The following CLCN1 variants were observed in gnomAD, a reference collection of about 807,000 sequenced individuals.
CLCN1 encodes chloride channel protein 1.
Under a neutral mutation model 114.5 loss-of-function variants are expected in CLCN1, and 100 were observed. That is an observed-to-expected ratio of 0.87 (90% CI 0.74 to 1.03). The LOEUF is 1.03. Ranked by LOEUF, CLCN1 falls within the 50% of genes least tolerant of loss-of-function variation. The pLI is 0.00. For missense variants in CLCN1, 1,188 were observed against 1,250.0 expected (o/e 0.95, Z 0.75); for synonymous variants, 485 against 487.1 (o/e 1.00, Z 0.06).
intron 10 of CLCN1, 100 bp from the exon 11 acceptor site, chr7:143,332,319 G>C (rs1172842977): frequency 2.2e-6 from 2 of 893,024 alleles, no homozygotes; most frequent in African/African-American, 3.3e-5. Context: ...AAAGAAATGA[G>C]ACTACGGTGG....
Position 143,316,202 on chromosome 7 carries a change from G to C in CLCN1, c.-11G>C, listed in dbSNP as rs200147892. ...AGGCCAAGGCCTGGCCGGGGCTCGG[G>C]GGGAGGGAATATGGAGCAATCCCGG... is the stretch of plus-strand genomic sequence containing the variant. On this transcript the variant is annotated 5_prime_UTR_variant, in exon 1 of 23. Transcript: ENST00000343257. The C allele has an allele frequency of 2.7e-5, 43 of 1,609,902 alleles. No homozygotes were observed. Among genetic ancestry groups the C allele is most frequent in the East Asian group, 1.1e-4 (5 of 44,854 alleles).
Position 143,350,752 on chromosome 7 carries a change from C to A in CLCN1, c.2595+98C>A. On this transcript the variant is annotated intron_variant, in intron 22 of 22. Coordinates refer to ENST00000343257, the MANE Select transcript of CLCN1 (RefSeq NM_000083.3). The surrounding 1 kb of genome is among the most constrained non-coding windows in gnomAD (Gnocchi z 5.1). ...GAAGGAATATTAGCATCTCAGAAGTCCCCTCAGATTCCCTTCTCTATTTCT... is the reference window on the plus strand; with the variant it reads ...GAAGGAATATTAGCATCTCAGAAGTACCCTCAGATTCCCTTCTCTATTTCT... The A allele has an allele frequency of 2.4e-6, 2 of 840,352 alleles. No homozygotes were observed. Among genetic ancestry groups the A allele is most frequent in the Non-Finnish European group, 4.0e-6 (2 of 502,478 alleles). The allele number at this position is 840,352 out of a possible 1,614,324, so 52.1% of individuals were successfully genotyped here. A position where few individuals can be genotyped will look rare whatever the true frequency, so the allele number is the denominator to read the frequency against.
intron 7 of CLCN1, among the ~76,000 whole-genome samples, chr7:143,326,870 T>C (rs138357674): frequency 9.3e-4 from 141 of 152,356 alleles, no homozygotes; most frequent in Middle Eastern, 3.4e-3. Context: ...ATGTGTTTCA[T>C]GGTTTACTAG....
intron 7 of CLCN1, among the ~76,000 whole-genome samples, chr7:143,329,126 C>T (rs1802655902): frequency 6.6e-6 from 1 of 152,064 alleles, no homozygotes; most frequent in South Asian, 2.1e-4. Context: ...TGCCACAGCG[C>T]CTGACTAATT....
chr7:143,339,235 C>A lies in CLCN1; in HGVS notation c.1402-18C>A, dbSNP rs371600067. On this transcript the variant is annotated intron_variant, in intron 12 of 22. Coordinates refer to ENST00000343257, the MANE Select transcript of CLCN1 (RefSeq NM_000083.3). This position sits in a 1 kb window ranked among gnomAD's most constrained non-coding sequence, Gnocchi z 4.1. ...GGGCAGAGTTGAAAGGGTATTCCAA[C>A]GCTTCTTTCTACTCCAGTTCTGGAT... 1 of 1,557,558 alleles carries A rather than the reference C, an allele frequency of 6.4e-7. No individual in the cohort carries two copies. The highest frequency in any genetic ancestry group is 8.9e-7 in the Non-Finnish European group (1 of 1,128,774).
At chr7:143,337,092 G>T (rs75256981) in intron 12 of CLCN1, among the ~76,000 whole-genome samples, 29 of 152,304 alleles carry the variant, frequency 1.9e-4, no homozygotes, top group African/African-American at 7.0e-4. Flanking sequence ...AGTGGGGTCT[G>T]GTCATCTGCA....
chr7:143,337,738 A>G (rs1802945224), intron 12 of CLCN1, among the ~76,000 whole-genome samples: 1 of 147,014 alleles, frequency 6.8e-6, no homozygotes, highest in African/African-American at 2.5e-5. Context: ...GACATCTCAT[A>G]CTTCTATTTC....
intron 1 of CLCN1, among the ~76,000 whole-genome samples, chr7:143,317,012 G>C (rs1050798012): frequency 6.6e-6 from 1 of 152,194 alleles, no homozygotes; most frequent in Non-Finnish European, 1.5e-5. Flanking sequence ...CCCAGCAACA[G>C]AAGCATGCAG....
chr7:143,341,786 C>T (rs1426732429), intron 14 of CLCN1, 143 bp from the exon 15 acceptor site: 1 of 712,412 alleles, frequency 1.4e-6, no homozygotes, highest in African/African-American at 1.8e-5. Context: ...TATTCTATTC[C>T]CTACTCTTGA....
chr7:143,346,553 T>G, intron 18 of CLCN1, 26 bp from the exon 19 acceptor site: 1 of 1,580,840 alleles, frequency 6.3e-7, no homozygotes, highest in Non-Finnish European at 8.7e-7. Context: ...TTGTGTCCAT[T>G]TCCATCCACT....
chr7:143,345,389 T>C lies in CLCN1; in HGVS notation c.1931-132T>C. The C allele has an allele frequency of 5.8e-6, 7 of 1,197,264 alleles. 1 individual carries two copies. The allele number at this position is 1,197,264 out of a possible 1,614,324, so 74.2% of individuals were successfully genotyped here. A position where few individuals can be genotyped will look rare whatever the true frequency, so the allele number is the denominator to read the frequency against. ...TCTTGGAGGATTCTTAAAATGAGTT[T>C]CCAGGAAGCTGAGAAAGATGTGGGG... On this transcript the variant is annotated intron_variant, in intron 16 of 22. Coordinates refer to ENST00000343257, the MANE Select transcript of CLCN1 (RefSeq NM_000083.3).
intron 1 of CLCN1, 132 bp downstream of exon 1, chr7:143,316,524 G>A (rs1195282303): frequency 6.2e-6 from 5 of 807,606 alleles, no homozygotes; most frequent in Admixed American, 2.5e-5. Context: ...ACAAGTACGT[G>A]GTGATGTGTT....
chr7:143,351,809 G>A lies in CLCN1; in HGVS notation c.2811G>A (p.Glu937=). 1 of 1,614,130 alleles carries A rather than the reference G, an allele frequency of 6.2e-7. No individual in the cohort carries two copies. The highest frequency in any genetic ancestry group is 1.6e-4 in the Middle Eastern group (1 of 6,062). The change falls in exon 23 of 23, where the codon GAG becomes GAA. Residue 937 remains glutamate (E), a synonymous_variant. Transcript: ENST00000343257. The part of the protein sequence containing the change: ...PETPVPSPSP[E]PPLSLAPGKV... ...CCCCTGTGCCATCTCCTTCCCCAGA[G>A]CCCCCTCTCTCCCTGGCCCCAGGCA...
chr7:143,326,003 G>GTTTTTT (rs546357383), intron 7 of CLCN1, among the ~76,000 whole-genome samples: 16 of 151,824 alleles, frequency 1.1e-4, no homozygotes, highest in African/African-American at 3.9e-4. Context: ...GGCATTACTT[G>GTTTTTT]TTTTTTTTGT....
intron 2 of CLCN1, 55 bp downstream of exon 2, chr7:143,319,930 G>A: frequency 6.3e-7 from 1 of 1,598,378 alleles, no homozygotes; most frequent in South Asian, 1.1e-5. Context: ...ACAGGGATTA[G>A]GAGAATAACT....
chr7:143,320,774 G>T lies in CLCN1; in HGVS notation c.412G>T (p.Val138Phe). The T allele has an allele frequency of 1.2e-6, 2 of 1,613,938 alleles. No homozygotes were observed. Among genetic ancestry groups the T allele is most frequent in the Non-Finnish European group, 1.7e-6 (2 of 1,179,924 alleles). ...TCTGGTCAGCTGGAGCATGGACTAC[G>T]TCAGTGCCAAAAGCCTTCAGGGTAG... ...MALVSWSMDY[V>F]SAKSLQAYKW... is the part of the protein sequence containing the mutation. The change falls in exon 3 of 23, where the codon GTC (valine) becomes TTC (phenylalanine). Residue 138 changes from valine (V) to phenylalanine (F), a missense_variant. By Grantham distance (50) the Val-to-Phe change is conservative. Coordinates refer to ENST00000343257, the MANE Select transcript of CLCN1 (RefSeq NM_000083.3).
At position 143,321,943 on chromosome 7, in the gene CLCN1, C is replaced by T; in HGVS notation, c.696+95C>T. 4.2e-6 allele frequency: 6 copies of T among 1,426,958 alleles called. No individual in the cohort carries two copies. The highest frequency in any genetic ancestry group is 4.8e-6 in the Non-Finnish European group (5 of 1,043,648). 88.4% of individuals were successfully genotyped at this position (1,426,958 alleles called of 1,614,324 possible). A position where few individuals can be genotyped will look rare whatever the true frequency, so the allele number is the denominator to read the frequency against. The stretch of plus-strand genomic sequence containing the variant: ...GGGAGCTCTGGGAGTGGAAGTGGAT[C>T]AGGGGACAGGACCAAGGCCAGGGCC... On this transcript the variant is annotated intron_variant, in intron 5 of 22. Transcript: ENST00000343257. This position sits in a 1 kb window ranked among gnomAD's most constrained non-coding sequence, Gnocchi z 4.2.
chr7:143,341,963 A>G lies in CLCN1; in HGVS notation c.1617A>G (p.Thr539=). 6.2e-7 allele frequency: 1 copy of G among 1,614,058 alleles called. No homozygotes were observed. The highest frequency in any genetic ancestry group is 8.5e-7 in the Non-Finnish European group (1 of 1,180,034). The change falls in exon 15 of 23, where the codon ACA becomes ACG. Residue 539 remains threonine, a synonymous_variant. Coordinates refer to ENST00000343257, the MANE Select transcript of CLCN1 (RefSeq NM_000083.3). ...CGCTGACTGGTGCCGTTTCCCACAC[A>G]GTCTCCACAGCTGTGATTTGCTTCG... The part of the protein sequence containing the change: ...AAALTGAVSH[T]VSTAVICFEL...
chr7:143,338,109 G>A (rs1802962111), intron 12 of CLCN1, among the ~76,000 whole-genome samples: 1 of 152,084 alleles, frequency 6.6e-6, no homozygotes, highest in Non-Finnish European at 1.5e-5. Flanking sequence ...CTTCCAAAGT[G>A]CTGGGATTAC....
Sources: gnomAD v4.1 joint callset for allele counts (sites outside exome capture counted in the v4.1 genomes callset) on GRCh38, gnomAD v4.1.1 for gene constraint, Gnocchi (gnomAD v3.1) non-coding constraint, MANE v1.5 for transcripts, NCBI Gene and HGNC (gene_info 2026-07-23, HGNC 2026-07-21) for gene names.